The following TRAF3IP2 variants were observed in gnomAD, a reference collection of about 807,000 sequenced individuals.
TRAF3IP2 encodes E3 ubiquitin ligase TRAF3IP2.
TRAF3IP2 carries 35 observed loss-of-function variants against 57.9 expected under a neutral mutation model. That is an observed-to-expected ratio of 0.60 (90% CI 0.46 to 0.80). The LOEUF (loss-of-function observed/expected upper bound fraction) is 0.80, where lower values mean the gene tolerates loss of function less well. Ranked by LOEUF, TRAF3IP2 falls within the 30% of genes least tolerant of loss-of-function variation. The probability of loss-of-function intolerance (pLI) is 0.00; values close to 1 mark genes in which losing one functional copy is unlikely to be tolerated. For missense variants in TRAF3IP2, 556 were observed against 706.4 expected, an observed-to-expected ratio of 0.79 and a Z score of 2.41; for synonymous variants, 251 against 268.9, an observed-to-expected ratio of 0.93 and a Z score of 0.65.
chr6:111,602,544 C>G (rs1444899824), intron 1 of TRAF3IP2, among the ~76,000 whole-genome samples: 1 of 151,726 alleles, frequency 6.6e-6, no homozygotes, highest in Non-Finnish European at 1.5e-5. Context: ...TTTGTATTTG[C>G]CTTTTATTGG....
rs115323380 is a variant in TRAF3IP2 at position 111,572,313 on chromosome 6, G to A, written c.1290+582C>T. Among the ~76,000 whole-genome samples the A allele has an allele frequency of 8.6e-3, 1,310 of 152,324 alleles. 21 individuals are homozygous for A. Among genetic ancestry groups the A allele is most frequent in the African/African-American group, 0.03 (1,234 of 41,568 alleles). On this transcript the variant is annotated intron_variant, in intron 5 of 8. Transcript: ENST00000368761. ...TCACAGTGGGCTTGCAGGGCTGGGT[G>A]AGGTCAGCCTCCCCTGGAACTGGAT...
Position 111,575,719 on chromosome 6 carries a change from T to C in TRAF3IP2, c.1125A>G (p.Pro375=). 1 of 1,612,910 alleles carries C rather than the reference T, an allele frequency of 6.2e-7. No individual in the cohort carries two copies. Among genetic ancestry groups the C allele is most frequent in the South Asian group, 1.1e-5 (1 of 90,986 alleles). Residue 375 remains proline (P), a synonymous_variant, in exon 4 of 9, where the codon CCA becomes CCG. Coordinates refer to ENST00000368761, the MANE Select transcript of TRAF3IP2 (RefSeq NM_147686.4). ...TGCTAGGGGGTCTAGGCACAGCAGC[T>C]GGGGACGGAGGCTGGGGAACCTGTG... ...LRPQVPQPPS[P]AAVPRPPSNP... is the part of the protein sequence containing the mutation.
At position 111,566,503 on chromosome 6, in the gene TRAF3IP2, CG is replaced by C; in HGVS notation, c.1416del (p.Ala473LeufsTer20). On this transcript the variant is annotated frameshift_variant, in exon 7 of 9. Coordinates refer to ENST00000368761, the MANE Select transcript of TRAF3IP2 (RefSeq NM_147686.4). LOFTEE classifies it high-confidence loss of function. ...TCATCCTCGTCCAGCTGCGACTCAG[CG>C]CCTTCCACGTCCTGTTTGTATTTGG... ...ISPKYKQDVE[G>X]AESQLDEDEH... The C allele has an allele frequency of 6.2e-7, 1 of 1,614,168 alleles. No homozygotes were observed. Among genetic ancestry groups the C allele is most frequent in the East Asian group, 2.2e-5 (1 of 44,880 alleles).
At chr6:111,590,634 G>A (rs1291328869) in intron 2 of TRAF3IP2, among the ~76,000 whole-genome samples, 3 of 152,140 alleles carry the variant, frequency 2.0e-5, no homozygotes, top group Non-Finnish European at 4.4e-5. Flanking sequence ...CCTGGCAAAC[G>A]CATGGAGATG....
intron 3 of TRAF3IP2, among the ~76,000 whole-genome samples, chr6:111,578,729 G>A (rs1294119755): frequency 6.6e-6 from 1 of 152,208 alleles, no homozygotes; most frequent in Non-Finnish European, 1.5e-5. Context: ...GCAGGCATGT[G>A]CCTCTTCACC....
At chr6:111,602,831 T>G (rs1796912991) in intron 1 of TRAF3IP2, among the ~76,000 whole-genome samples, 1 of 152,134 alleles carries the variant, frequency 6.6e-6, no homozygotes, top group South Asian at 2.1e-4. Context: ...TATCCCTCAT[T>G]GCTGAGGGAG....
In TRAF3IP2 at chr6:111,604,414, A is replaced by G. The variant is rs566542247; in HGVS notation, c.-9+1362T>C. 3.9e-4 allele frequency among the ~76,000 whole-genome samples: 59 copies of G among 152,368 alleles called. 1 individual carries two copies. In the South Asian group the frequency reaches 0.012, roughly 30 times the overall value. ...AGGAGTGGTTTCCAGGTCCAGCTACAGCAGTAACTCTGGCTTCTGGAGCTG... is the reference window on the plus strand; with the variant it reads ...AGGAGTGGTTTCCAGGTCCAGCTACGGCAGTAACTCTGGCTTCTGGAGCTG... On this transcript the variant is annotated intron_variant, in intron 1 of 8. Transcript: ENST00000368761.
At chr6:111,592,564 G>A (rs1796555786) in intron 1 of TRAF3IP2, among the ~76,000 whole-genome samples, 1 of 152,116 alleles carries the variant, frequency 6.6e-6, no homozygotes, top group African/African-American at 2.4e-5. Flanking sequence ...AAAACGAGAG[G>A]AGAATGTGTG....
intron 1 of TRAF3IP2, chr6:111,598,138 A>G: frequency 7.0e-6 from 2 of 285,592 alleles, no homozygotes; most frequent in South Asian, 3.3e-5. Context: ...CCCAATACAG[A>G]GCCCAGGCCC....
rs1332194229 is a variant in TRAF3IP2 at position 111,557,134 on chromosome 6, GA to G, written c.*2270del. Reference sequence around the variant, plus strand: ...GAGTGAGACCCTGTCTCAAAAAAAAGAAAAAAAAAACAAAACGGTGGACTGT... The same window carrying G: ...GAGTGAGACCCTGTCTCAAAAAAAAGAAAAAAAAACAAAACGGTGGACTGT... On this transcript the variant is annotated 3_prime_UTR_variant, in exon 9 of 9. Coordinates refer to ENST00000368761, the MANE Select transcript of TRAF3IP2 (RefSeq NM_147686.4). The G allele has an allele frequency of 4.2e-5, 6 of 143,524 alleles. No homozygotes were observed. The highest frequency in any genetic ancestry group is 2.2e-4 in the South Asian group (1 of 4,470). The allele number at this position is 143,524 out of a possible 1,614,324, so 8.9% of individuals were successfully genotyped here. A position where few individuals can be genotyped will look rare whatever the true frequency, so the allele number is the denominator to read the frequency against.
chr6:111,604,094 C>T (rs777985245), intron 1 of TRAF3IP2, among the ~76,000 whole-genome samples: 1 of 152,078 alleles, frequency 6.6e-6, no homozygotes. Context: ...AGAGAAATGC[C>T]TAAAAACATG....
At position 111,556,081 on chromosome 6, in the gene TRAF3IP2, T is replaced by C. The variant is rs1795229829; in HGVS notation, c.*3324A>G. Among the ~76,000 whole-genome samples the C allele has an allele frequency of 7.2e-6, 1 of 138,346 alleles. No individual in the cohort carries two copies. Among genetic ancestry groups the C allele is most frequent in the African/African-American group, 2.7e-5 (1 of 36,472 alleles). The allele number at this position is 138,346 out of a possible 152,430, so 90.8% of individuals were successfully genotyped here. On this transcript the variant is annotated 3_prime_UTR_variant, in exon 9 of 9. Transcript: ENST00000368761. ...TTGCACCACTGCACTCTAGCCTGGG[T>C]GACAGAGCGAGACTACGTCTCAAAA...
chr6:111,580,352 C>G lies in TRAF3IP2; in HGVS notation c.867G>C (p.Val289=). 6.3e-7 allele frequency: 1 copy of G among 1,588,604 alleles called. No individual in the cohort carries two copies. Among genetic ancestry groups the G allele is most frequent in the Non-Finnish European group, 8.5e-7 (1 of 1,170,808 alleles). The change falls in exon 3 of 9, where the codon GTG becomes GTC. Residue 289 remains valine, a synonymous_variant. Coordinates refer to ENST00000368761, the MANE Select transcript of TRAF3IP2 (RefSeq NM_147686.4). ...HDYPRAAYQQ[V]IQPALPGQPL... ...GCTGCCCAGGCAGAGCCGGCTGGAT[C>G]ACTTGCTGGTAGGCTGCTCGAGGGT...
chr6:111,592,952 C>A (rs928082298), intron 1 of TRAF3IP2, among the ~76,000 whole-genome samples: 2 of 152,164 alleles, frequency 1.3e-5, no homozygotes, highest in Admixed American at 6.5e-5. Flanking sequence ...TAGACCTTAG[C>A]CTGCAGAGCA....
intron 2 of TRAF3IP2, among the ~76,000 whole-genome samples, chr6:111,589,434 T>G (rs2128381314): frequency 6.6e-6 from 1 of 152,322 alleles, no homozygotes. Flanking sequence ...TCTCACAAAT[T>G]ACTCCTTTTA....
At position 111,555,716 on chromosome 6, in the gene TRAF3IP2, A is replaced by G. The variant is rs186483827; in HGVS notation, c.*3689T>C. Among the ~76,000 whole-genome samples the G allele has an allele frequency of 3.8e-4, 58 of 152,332 alleles. 1 individual carries two copies. In the East Asian group the frequency reaches 0.011, roughly 29 times the overall value. On this transcript the variant is annotated 3_prime_UTR_variant, in exon 9 of 9. Transcript: ENST00000368761. ...GTCAGCCCTACCCCACTTCCACCCC[A>G]AAAATATCTAAAGATGAATGCCTGA...
chr6:111,599,374 G>C (rs1796795702), intron 1 of TRAF3IP2, among the ~76,000 whole-genome samples: 1 of 152,000 alleles, frequency 6.6e-6, no homozygotes, highest in Non-Finnish European at 1.5e-5. Context: ...CTTTCTCTGG[G>C]CTTCTCTACT....
intron 1 of TRAF3IP2, chr6:111,601,116 A>C: frequency 1.4e-6 from 1 of 707,568 alleles, no homozygotes; most frequent in South Asian, 1.5e-5. Flanking sequence ...TGGTTCAGCT[A>C]TTGGGAGGGA....
At chr6:111,579,146 T>C (rs537730641) in intron 3 of TRAF3IP2, among the ~76,000 whole-genome samples, 1 of 150,498 alleles carries the variant, frequency 6.6e-6, no homozygotes, top group Non-Finnish European at 1.5e-5. Flanking sequence ...CTGGCCTATA[T>C]GGTGAAACCC....
Sources: allele counts gnomAD v4.1 joint callset (sites outside exome capture counted in the v4.1 genomes callset), GRCh38; gene constraint gnomAD v4.1.1; transcripts MANE v1.5; gene names NCBI Gene and HGNC (gene_info 2026-07-23, HGNC 2026-07-21).